Variants in GRIK2 observed in about 807,000 individuals in gnomAD.
GRIK2 encodes the protein glutamate receptor ionotropic, kainate 2.
Under a neutral mutation model 100.3 loss-of-function variants are expected in GRIK2, and 32 were observed. That is an observed-to-expected ratio of 0.32 (90% confidence interval 0.24 to 0.43). The LOEUF (loss-of-function observed/expected upper bound fraction) is 0.43, where lower values mean the gene tolerates loss of function less well. GRIK2 is among the 20% of genes least tolerant of loss of function. GRIK2 has a pLI of 1.00. For synonymous variants in GRIK2, 417 were observed against 389.4 expected, an observed-to-expected ratio of 1.07 and a Z score of -0.83; for missense variants, 843 against 1,114.9, an observed-to-expected ratio of 0.76 and a Z score of 3.47.
intron 1 of GRIK2, among the ~76,000 whole-genome samples, chr6:101,398,256 T>C (rs896954490): frequency 3.3e-5 from 5 of 152,232 alleles, no homozygotes; most frequent in African/African-American, 1.2e-4. Flanking sequence ...CATTCAAACA[T>C]CATTGTTTTT....
intron 7 of GRIK2, among the ~76,000 whole-genome samples, chr6:101,740,332 T>C (rs966385097): frequency 6.6e-6 from 1 of 152,120 alleles, no homozygotes; most frequent in Non-Finnish European, 1.5e-5. Context: ...GAGGACTAAT[T>C]GAAGTAACAT....
intron 7 of GRIK2, among the ~76,000 whole-genome samples, chr6:101,735,766 C>A (rs568406222): frequency 6.6e-6 from 1 of 152,168 alleles, no homozygotes; most frequent in African/African-American, 2.4e-5. Flanking sequence ...CAGGCCCCTC[C>A]TAAATCTCAT....
chr6:101,588,112 CTTTTA>C (rs1466977322), intron 2 of GRIK2, among the ~76,000 whole-genome samples: 2 of 152,136 alleles, frequency 1.3e-5, no homozygotes, highest in South Asian at 2.1e-4. Flanking sequence ...TTCCATTAGT[CTTTTA>C]TTTTGTTAGT....
chr6:101,971,442 G>C (rs1448798733), intron 14 of GRIK2, among the ~76,000 whole-genome samples: 1 of 151,984 alleles, frequency 6.6e-6, no homozygotes, highest in Non-Finnish European at 1.5e-5. Flanking sequence ...AGATGATATA[G>C]GATAGAATGG....
intron 2 of GRIK2, among the ~76,000 whole-genome samples, chr6:101,537,983 TA>T (rs1387865981): frequency 6.6e-6 from 1 of 151,768 alleles, no homozygotes; most frequent in East Asian, 1.9e-4. Context: ...ATGACTGCAA[TA>T]AAAGCTACAA....
At chr6:101,647,799 T>C (rs1781600921) in intron 4 of GRIK2, among the ~76,000 whole-genome samples, 2 of 152,062 alleles carry the variant, frequency 1.3e-5, no homozygotes, top group South Asian at 2.1e-4. Context: ...AAACACATCT[T>C]ATGAACTAGT....
intron 2 of GRIK2, among the ~76,000 whole-genome samples, chr6:101,564,466 A>T (rs982272996): frequency 6.6e-5 from 10 of 152,192 alleles, no homozygotes; most frequent in African/African-American, 2.4e-4. Flanking sequence ...GCAAAGGTTC[A>T]TCTCAAGAGC....
In GRIK2 at chr6:101,998,878, ATCTTGGC is replaced by A. The variant is rs1250511743; in HGVS notation, c.2086-36460_2086-36454del. 2.4e-5 allele frequency among the ~76,000 whole-genome samples: 3 copies of A among 124,150 alleles called. No individual in the cohort carries two copies. In the Admixed American group the frequency reaches 3.3e-4, roughly 13 times the overall value. The allele number at this position is 124,150 out of a possible 152,430, so 81.4% of individuals were successfully genotyped here. A position where few individuals can be genotyped will look rare whatever the true frequency, so the allele number is the denominator to read the frequency against. ...TCCTAGGCTGGAGTGCAGTGGCATG[ATCTTGGC>A]TCACTGCAACCTCCGCCTCCTTGGT... is the stretch of plus-strand genomic sequence containing the variant. On this transcript the variant is annotated intron_variant, in intron 14 of 16. Transcript: ENST00000369134.
intron 11 of GRIK2, among the ~76,000 whole-genome samples, chr6:101,874,494 C>A (rs898039943): frequency 8.5e-5 from 13 of 152,146 alleles, no homozygotes; most frequent in Non-Finnish European, 1.5e-4. Flanking sequence ...GTTTTGGTTA[C>A]TGTAGCCTTG....
chr6:101,444,346 C>T (rs1770247962), intron 2 of GRIK2, among the ~76,000 whole-genome samples: 3 of 151,880 alleles, frequency 2.0e-5, no homozygotes, highest in South Asian at 2.1e-4. Context: ...TACTTTAATA[C>T]TTTAAAAATA....
intron 2 of GRIK2, among the ~76,000 whole-genome samples, chr6:101,525,761 C>T (rs1383540174): frequency 6.6e-6 from 1 of 152,120 alleles, no homozygotes; most frequent in Non-Finnish European, 1.5e-5. Flanking sequence ...GAGTGAACAA[C>T]TTTATGAAAA....
At chr6:101,617,187 G>A (rs1177126043) in intron 2 of GRIK2, among the ~76,000 whole-genome samples, 5 of 151,626 alleles carry the variant, frequency 3.3e-5, no homozygotes, top group African/African-American at 1.2e-4. Flanking sequence ...AATGATCTAT[G>A]TAAAGTGCAC....
chr6:101,468,131 A>G (rs905465542), intron 2 of GRIK2, among the ~76,000 whole-genome samples: 3 of 152,096 alleles, frequency 2.0e-5, no homozygotes, highest in African/African-American at 7.2e-5. Flanking sequence ...GTCTTTTGCC[A>G]AGGGACTGCC....
chr6:101,572,426 T>A (rs1002075852), intron 2 of GRIK2, among the ~76,000 whole-genome samples: 1 of 152,168 alleles, frequency 6.6e-6, no homozygotes, highest in Admixed American at 6.6e-5. Flanking sequence ...TTACTGTAAG[T>A]GTGCGTAATA....
At chr6:101,606,004 A>G (rs1445898361) in intron 2 of GRIK2, among the ~76,000 whole-genome samples, 2 of 152,046 alleles carry the variant, frequency 1.3e-5, no homozygotes, top group Non-Finnish European at 2.9e-5. Flanking sequence ...ACAGAAATCC[A>G]TAGTTATGAT....
chr6:101,678,610 C>T (rs531463858), intron 5 of GRIK2, among the ~76,000 whole-genome samples: 2 of 152,176 alleles, frequency 1.3e-5, no homozygotes, highest in South Asian at 4.1e-4. Context: ...TGAATAGCTT[C>T]TAGGAAATTC....
At chr6:101,818,596 T>C in intron 10 of GRIK2, 113 bp downstream of exon 10, 1 of 640,486 alleles carries the variant, frequency 1.6e-6, no homozygotes, top group Non-Finnish European at 2.8e-6. Context: ...TACAGTTATT[T>C]AGCAATTACT....
At chr6:101,805,834 C>T (rs1449289208) in intron 9 of GRIK2, among the ~76,000 whole-genome samples, 4 of 152,096 alleles carry the variant, frequency 2.6e-5, no homozygotes, top group South Asian at 2.1e-4. Flanking sequence ...GGAAGGAAGT[C>T]TATGCTTCTG....
chr6:101,777,518 A>T lies in GRIK2; in HGVS notation c.952-22130A>T, dbSNP rs1156583190. Among the ~76,000 whole-genome samples, 4 of 152,124 alleles carry T rather than the reference A, an allele frequency of 2.6e-5. No homozygotes were observed. In the East Asian group the frequency reaches 7.7e-4, roughly 29 times the overall value. On this transcript the variant is annotated intron_variant, in intron 7 of 16. Coordinates refer to ENST00000369134, the MANE Select transcript of GRIK2 (RefSeq NM_021956.5). ...CTGAAACTATCTGATTTTTAAAGTA[A>T]TTTTTCAAGCAAGAAAATCTTTAGA...
Sources: allele counts gnomAD v4.1 joint callset (sites outside exome capture counted in the v4.1 genomes callset), GRCh38; gene constraint gnomAD v4.1.1; transcripts MANE v1.5; gene names NCBI Gene and HGNC (gene_info 2026-07-23, HGNC 2026-07-21).